Variants in POU2F1 observed in about 807,000 individuals in gnomAD.
POU2F1 encodes POU class 2 homeobox 1.
In POU2F1, 16 loss-of-function variants were observed where a neutral mutation model predicts 84.9. The ratio of observed to expected loss-of-function variants is 0.19; its 90% confidence interval spans 0.13 to 0.29. The LOEUF (loss-of-function observed/expected upper bound fraction) is 0.29, where lower values mean the gene tolerates loss of function less well. POU2F1 is among the 10% of genes least tolerant of loss of function. The pLI is 1.00. For synonymous variants in POU2F1, 368 were observed against 368.3 expected (o/e 1.00, Z 0.01); for missense variants, 738 against 942.6 (o/e 0.78, Z 2.84).
intron 2 of POU2F1, among the ~76,000 whole-genome samples, chr1:167,343,878 A>G (rs1571336348): frequency 6.6e-6 from 1 of 151,806 alleles, no homozygotes; most frequent in East Asian, 1.9e-4. Flanking sequence ...AGATGTGGGC[A>G]ATTGAAGATA....
intron 1 of POU2F1, among the ~76,000 whole-genome samples, chr1:167,239,459 T>A (rs1306348906): frequency 6.6e-6 from 1 of 152,182 alleles, no homozygotes; most frequent in African/African-American, 2.4e-5. Context: ...GGGCAGCAGT[T>A]CAAGGGGTAA....
chr1:167,353,784 G>A (rs372859577), intron 2 of POU2F1, among the ~76,000 whole-genome samples: 260 of 152,210 alleles, frequency 1.7e-3, no homozygotes, highest in African/African-American at 6.0e-3. Flanking sequence ...TGAATGTAGC[G>A]TTTAAGTACT....
At chr1:167,269,651 G>A (rs897396298) in intron 1 of POU2F1, among the ~76,000 whole-genome samples, 4 of 152,130 alleles carry the variant, frequency 2.6e-5, no homozygotes, top group African/African-American at 4.8e-5. Context: ...GGTGACTCAC[G>A]CCTATAATCC....
intron 1 of POU2F1, among the ~76,000 whole-genome samples, chr1:167,248,907 G>A (rs1650526968): frequency 1.3e-5 from 2 of 152,066 alleles, no homozygotes; most frequent in South Asian, 4.1e-4. Flanking sequence ...GGAAACTGAG[G>A]TACAGAAAGA....
intron 1 of POU2F1, among the ~76,000 whole-genome samples, chr1:167,316,517 A>G (rs140301150): frequency 0.013 from 1,969 of 152,296 alleles, 41 homozygotes; most frequent in African/African-American, 0.043. Flanking sequence ...GGTATTTTAG[A>G]CAGATCGAGG....
intron 1 of POU2F1, among the ~76,000 whole-genome samples, chr1:167,261,596 A>G (rs767950062): frequency 2.0e-5 from 3 of 152,204 alleles, no homozygotes; most frequent in Admixed American, 6.5e-5. Flanking sequence ...GAGGATGACC[A>G]ACTTTGATCT....
chr1:167,292,446 C>T (rs193007204), intron 1 of POU2F1, among the ~76,000 whole-genome samples: 1 of 151,238 alleles, frequency 6.6e-6, no homozygotes, highest in Admixed American at 6.6e-5. Flanking sequence ...TCATTAAACC[C>T]TGAACAGACT....
intron 2 of POU2F1, among the ~76,000 whole-genome samples, chr1:167,342,200 C>T (rs751650007): frequency 2.0e-5 from 3 of 152,140 alleles, no homozygotes; most frequent in Non-Finnish European, 2.9e-5. Context: ...GGGAACCACC[C>T]TCTTCTACCC....
chr1:167,373,964 G>T, intron 5 of POU2F1, 144 bp from the exon 6 acceptor site: 2 of 707,142 alleles, frequency 2.8e-6, no homozygotes, highest in Non-Finnish European at 2.5e-6. Flanking sequence ...GATCACTGAT[G>T]AACATTTTAG....
In POU2F1 at chr1:167,412,087, A is replaced by G; in HGVS notation, c.1684A>G (p.Ser562Gly). The G allele has an allele frequency of 6.2e-7, 1 of 1,614,180 alleles. No individual in the cohort carries two copies. The highest frequency in any genetic ancestry group is 8.5e-7 in the Non-Finnish European group (1 of 1,180,004). ...CTCAGCCTCCACCTCCGAGGCATCCAGTGCCAGTGAGACCAGCACAACACA... is the reference window on the plus strand; with the variant it reads ...CTCAGCCTCCACCTCCGAGGCATCCGGTGCCAGTGAGACCAGCACAACACA... ...SASASTSEASSASETSTTQTT... is the reference protein window; with the variant it reads ...SASASTSEASGASETSTTQTT... Residue 562 changes from serine to glycine, a missense_variant, in exon 14 of 16, where the codon AGT (serine) becomes GGT (glycine). Ser to Gly is a moderately conservative substitution (Grantham distance 56). Coordinates refer to ENST00000367866, the MANE Select transcript of POU2F1 (RefSeq NM_002697.4).
In POU2F1 at chr1:167,389,726, T is replaced by G. The variant is rs1288808359; in HGVS notation, c.952T>G (p.Phe318Val). The G allele has an allele frequency of 6.2e-7, 1 of 1,614,048 alleles. No homozygotes were observed. The highest frequency in any genetic ancestry group is 8.5e-7 in the Non-Finnish European group (1 of 1,179,966). Residue 318 changes from phenylalanine to valine, a missense_variant, in exon 9 of 16, where the codon TTC becomes GTC. Transcript: ENST00000367866. The stretch of plus-strand genomic sequence containing the variant: ...GGAGCTTGAGCAGTTTGCCAAGACC[T>G]TCAAACAAAGACGAATCAAACTTGG... ...LEELEQFAKT[F>V]KQRRIKLGFT...
intron 1 of POU2F1, among the ~76,000 whole-genome samples, chr1:167,282,133 G>T (rs570946186): frequency 3.3e-4 from 50 of 151,066 alleles, no homozygotes; most frequent in African/African-American, 8.1e-4. Context: ...GTAAACAAAA[G>T]AATTTTTTTT....
At chr1:167,291,118 G>A (rs1216556925) in intron 1 of POU2F1, among the ~76,000 whole-genome samples, 3 of 151,620 alleles carry the variant, frequency 2.0e-5, no homozygotes, top group Admixed American at 1.3e-4. Flanking sequence ...AGGCGTCAGT[G>A]TGAAGAACAC....
chr1:167,408,270 A>G, intron 13 of POU2F1, among the ~76,000 whole-genome samples: 1 of 152,208 alleles, frequency 6.6e-6, no homozygotes, highest in East Asian at 1.9e-4. Flanking sequence ...TGGAACTTTC[A>G]TGCATTGCTT....
chr1:167,232,280 A>G (rs1395679146), intron 1 of POU2F1, among the ~76,000 whole-genome samples: 2 of 152,186 alleles, frequency 1.3e-5, no homozygotes, highest in African/African-American at 4.8e-5. Flanking sequence ...CCAGTATACA[A>G]TGGCAGTCCC....
chr1:167,252,813 A>G (rs1159872271), intron 1 of POU2F1, among the ~76,000 whole-genome samples: 2 of 152,238 alleles, frequency 1.3e-5, no homozygotes, highest in Non-Finnish European at 2.9e-5. Context: ...ACAGGTTAAC[A>G]TGGATGACTA....
At chr1:167,379,260 C>T (rs1055668665) in intron 7 of POU2F1, 7 of 152,120 alleles carry the variant, frequency 4.6e-5, no homozygotes, top group African/African-American at 9.7e-5. Context: ...ATGTGAATGG[C>T]CCAATATCTT....
rs775114090 is a variant in POU2F1 at position 167,374,203 on chromosome 1, C to T, written c.498C>T (p.Ser166=). The change falls in exon 6 of 16, where the codon AGC becomes AGT. Residue 166 remains serine, a synonymous_variant. Coordinates refer to ENST00000367866, the MANE Select transcript of POU2F1 (RefSeq NM_002697.4). ...LAAAVQQHSA[S]QQHSAAGATI... ...CTGCAGTGCAGCAGCACTCCGCCAG[C>T]CAGCAGCACAGTGCTGCTGGAGCCA... is the stretch of plus-strand genomic sequence containing the variant. 6.2e-7 allele frequency: 1 copy of T among 1,613,962 alleles called. No individual in the cohort carries two copies. Among genetic ancestry groups the T allele is most frequent in the South Asian group, 1.1e-5 (1 of 91,066 alleles).
chr1:167,291,177 T>A (rs1653899695), intron 1 of POU2F1, among the ~76,000 whole-genome samples: 1 of 152,254 alleles, frequency 6.6e-6, no homozygotes, highest in East Asian at 1.9e-4. Flanking sequence ...AGCTTTGCTA[T>A]TCATTCAGTG....
Sources: gnomAD v4.1 joint callset for allele counts (sites outside exome capture counted in the v4.1 genomes callset) on GRCh38, gnomAD v4.1.1 for gene constraint, MANE v1.5 for transcripts, NCBI Gene and HGNC (gene_info 2026-07-23, HGNC 2026-07-21) for gene names.